ADAMTS6: variants seen among roughly 807,000 people sequenced by gnomAD.
The protein encoded by ADAMTS6 is ADAM metallopeptidase with thrombospondin type 1 motif 6.
Under a neutral mutation model 144.3 loss-of-function variants are expected in ADAMTS6, and 23 were observed. That is an observed-to-expected ratio of 0.16 (90% CI 0.11 to 0.23). The LOEUF (loss-of-function observed/expected upper bound fraction) is 0.23. ADAMTS6 is among the 10% of genes least tolerant of loss of function. The pLI, the probability that ADAMTS6 is intolerant of heterozygous loss-of-function variation, is 1.00. For synonymous variants in ADAMTS6, 444 were observed against 457.5 expected, an observed-to-expected ratio of 0.97 and a Z score of 0.38; for missense variants, 999 against 1,379.6, an observed-to-expected ratio of 0.72 and a Z score of 4.37.
Position 65,260,669 on chromosome 5 carries a change from A to G in ADAMTS6, c.1767-6T>C. ...ATTTTCCACCTCCTGAAGGTCTGAA[A>G]AAACATTGTGTTTAAAATGTGAATA... On this transcript the variant is annotated splice_polypyrimidine_tract_variant and splice_region_variant and intron_variant, in intron 13 of 24. Coordinates refer to ENST00000381055, the MANE Select transcript of ADAMTS6 (RefSeq NM_197941.4). The G allele has an allele frequency of 8.1e-6, 13 of 1,612,468 alleles. No individual in the cohort carries two copies. The highest frequency in any genetic ancestry group is 1.1e-5 in the Non-Finnish European group (13 of 1,178,818).
At chr5:65,347,361 A>T (rs747651343) in intron 7 of ADAMTS6, among the ~76,000 whole-genome samples, 1 of 152,068 alleles carries the variant, frequency 6.6e-6, no homozygotes. Flanking sequence ...TTTATACTCA[A>T]TTGATCTTTG....
intron 7 of ADAMTS6, among the ~76,000 whole-genome samples, chr5:65,399,454 T>A (rs934415692): frequency 6.6e-6 from 1 of 152,240 alleles, no homozygotes; most frequent in African/African-American, 2.4e-5. Flanking sequence ...ACTCTGCCTT[T>A]TGTGGTTTTT....
chr5:65,253,141 G>A (rs1040844603), intron 14 of ADAMTS6, among the ~76,000 whole-genome samples: 15 of 152,060 alleles, frequency 9.9e-5, no homozygotes, highest in Admixed American at 8.5e-4. Context: ...ACCCGCCTCC[G>A]CCTCCCAAAG....
intron 18 of ADAMTS6, among the ~76,000 whole-genome samples, chr5:65,221,555 A>C (rs1248386915): frequency 6.6e-6 from 1 of 152,202 alleles, no homozygotes; most frequent in African/African-American, 2.4e-5. Context: ...AATAACAACA[A>C]GGAATGATTT....
At chr5:65,471,183 T>C in intron 2 of ADAMTS6, 41 bp from the exon 3 acceptor site, 9 of 1,544,258 alleles carry the variant, frequency 5.8e-6, no homozygotes, top group Non-Finnish European at 6.9e-6. Context: ...AAAAAACACA[T>C]GGAAGAAAAG....
intron 7 of ADAMTS6, among the ~76,000 whole-genome samples, chr5:65,357,913 C>G (rs1454786555): frequency 6.6e-6 from 1 of 151,850 alleles, no homozygotes; most frequent in East Asian, 1.9e-4. Flanking sequence ...TATCTAAAGG[C>G]TTTACATCAA....
At chr5:65,470,713 A>C in intron 3 of ADAMTS6, 65 bp downstream of exon 3, 1 of 1,381,402 alleles carries the variant, frequency 7.2e-7, no homozygotes, top group Non-Finnish European at 9.5e-7. Flanking sequence ...AATCTGAGGA[A>C]AGACATTTAC....
At chr5:65,369,880 A>G (rs1055641238) in intron 7 of ADAMTS6, among the ~76,000 whole-genome samples, 2 of 152,180 alleles carry the variant, frequency 1.3e-5, no homozygotes, top group African/African-American at 4.8e-5. Flanking sequence ...TGAAGCAACA[A>G]AAGTGTAGAG....
chr5:65,257,639 G>C (rs987365538), intron 14 of ADAMTS6, among the ~76,000 whole-genome samples: 3 of 152,086 alleles, frequency 2.0e-5, no homozygotes, highest in African/African-American at 7.2e-5. Flanking sequence ...TCTTTCAATG[G>C]TTTCAAATGT....
chr5:65,277,828 C>CT (rs1452752730), intron 11 of ADAMTS6, among the ~76,000 whole-genome samples: 1 of 151,914 alleles, frequency 6.6e-6, no homozygotes, highest in African/African-American at 2.4e-5. Flanking sequence ...CTGCCCAAGA[C>CT]TTTTTTTTAA....
intron 7 of ADAMTS6, among the ~76,000 whole-genome samples, chr5:65,407,575 G>A (rs1227011082): frequency 7.0e-6 from 1 of 142,320 alleles, no homozygotes; most frequent in Non-Finnish European, 1.5e-5. Flanking sequence ...ACCTATGAGT[G>A]AGAACATGCG....
intron 7 of ADAMTS6, among the ~76,000 whole-genome samples, chr5:65,407,436 C>T (rs1754631571): frequency 6.6e-6 from 1 of 151,536 alleles, no homozygotes; most frequent in African/African-American, 2.4e-5. Flanking sequence ...GTGCTGCACC[C>T]ATTAACTCGT....
intron 14 of ADAMTS6, among the ~76,000 whole-genome samples, chr5:65,245,883 C>T (rs1314218071): frequency 5.3e-5 from 8 of 152,042 alleles, no homozygotes; most frequent in Non-Finnish European, 1.2e-4. Flanking sequence ...TAAGATTTGG[C>T]CTGAGAGGTA....
At chr5:65,211,356 C>T (rs994386788) in intron 20 of ADAMTS6, among the ~76,000 whole-genome samples, 2 of 152,294 alleles carry the variant, frequency 1.3e-5, no homozygotes, top group African/African-American at 4.8e-5. Flanking sequence ...AATCCTAGCA[C>T]TCTGGGAGGC....
At chr5:65,410,974 A>G (rs1266465072) in intron 7 of ADAMTS6, among the ~76,000 whole-genome samples, 1 of 152,022 alleles carries the variant, frequency 6.6e-6, no homozygotes, top group East Asian at 1.9e-4. Flanking sequence ...AGTAGCTGGG[A>G]GCACAGCCGC....
At chr5:65,154,880 A>C (rs1459937306) in intron 24 of ADAMTS6, among the ~76,000 whole-genome samples, 1 of 152,228 alleles carries the variant, frequency 6.6e-6, no homozygotes, top group Non-Finnish European at 1.5e-5. Context: ...ACATTTACGC[A>C]TTTAAGCAAA....
intron 14 of ADAMTS6, among the ~76,000 whole-genome samples, chr5:65,243,181 AAT>A (rs1759340041): frequency 6.6e-6 from 1 of 152,148 alleles, no homozygotes; most frequent in African/African-American, 2.4e-5. Flanking sequence ...GGAAAAAAAG[AAT>A]ATGTCACTAG....
intron 7 of ADAMTS6, among the ~76,000 whole-genome samples, chr5:65,346,853 G>A (rs900618676): frequency 1.3e-5 from 2 of 150,412 alleles, no homozygotes; most frequent in African/African-American, 2.4e-5. Context: ...CGGTAAATAC[G>A]GAATACAAAA....
intron 7 of ADAMTS6, among the ~76,000 whole-genome samples, chr5:65,402,449 A>T (rs1580613680): frequency 6.6e-6 from 1 of 152,218 alleles, no homozygotes; most frequent in Non-Finnish European, 1.5e-5. Context: ...TTCACTAGGG[A>T]CTTTCTCCTA....
Sources: gnomAD v4.1 joint callset for allele counts (sites outside exome capture counted in the v4.1 genomes callset) on GRCh38, gnomAD v4.1.1 for gene constraint, MANE v1.5 for transcripts, NCBI Gene and HGNC (gene_info 2026-07-23, HGNC 2026-07-21) for gene names.